The following PCDH9 variants were observed in gnomAD, a reference collection of about 807,000 sequenced individuals.
PCDH9 encodes protocadherin-9.
In PCDH9, 24 loss-of-function variants were observed where a neutral mutation model predicts 70.6. The ratio of observed to expected loss-of-function variants is 0.34; its 90% CI spans 0.25 to 0.48. PCDH9 has a LOEUF of 0.48. Ranked by LOEUF, PCDH9 falls within the 20% of genes least tolerant of loss-of-function variation. The pLI is 0.99. For missense variants in PCDH9, 1,281 were observed against 1,503.6 expected (o/e 0.85, Z 2.45); for synonymous variants, 562 against 558.5 (o/e 1.01, Z -0.09).
At chr13:66,971,685 T>C (rs1321703937) in intron 2 of PCDH9, among the ~76,000 whole-genome samples, 3 of 151,952 alleles carry the variant, frequency 2.0e-5, no homozygotes, top group Non-Finnish European at 4.4e-5. Flanking sequence ...ATAAATTCCA[T>C]CCTTCAGAGG....
chr13:66,819,216 A>G (rs1404246001), intron 3 of PCDH9, among the ~76,000 whole-genome samples: 3 of 152,044 alleles, frequency 2.0e-5, no homozygotes, highest in Non-Finnish European at 4.4e-5. Context: ...TGGTTTGTCA[A>G]ATTTAATCAG....
intron 2 of PCDH9, among the ~76,000 whole-genome samples, chr13:67,052,916 T>A (rs1254060561): frequency 6.6e-6 from 1 of 152,198 alleles, no homozygotes; most frequent in East Asian, 1.9e-4. Flanking sequence ...TTTGATGTGC[T>A]GCAGATATCC....
chr13:66,332,648 C>T (rs1295905239), intron 4 of PCDH9, among the ~76,000 whole-genome samples: 1 of 151,866 alleles, frequency 6.6e-6, no homozygotes. Context: ...TGAGGTCTAG[C>T]CTCTCAGAGG....
chr13:66,762,612 C>A (rs2079646690), intron 3 of PCDH9, among the ~76,000 whole-genome samples: 1 of 152,066 alleles, frequency 6.6e-6, no homozygotes, highest in South Asian at 2.1e-4. Flanking sequence ...AATCTCCCAG[C>A]TGGTTTCCTT....
intron 4 of PCDH9, among the ~76,000 whole-genome samples, chr13:66,542,399 A>C (rs1188160639): frequency 1.3e-5 from 2 of 151,968 alleles, no homozygotes; most frequent in African/African-American, 2.4e-5. Context: ...TAATTCGTTG[A>C]ATTTATGTAA....
intron 3 of PCDH9, among the ~76,000 whole-genome samples, chr13:66,781,754 A>G (rs9540911): frequency 0.5 from 76,654 of 151,976 alleles, 21,616 homozygotes; most frequent in Middle Eastern, 0.65. Flanking sequence ...GTGTCATCCA[A>G]TCTAAAATAT....
intron 2 of PCDH9, among the ~76,000 whole-genome samples, chr13:66,949,476 C>A (rs1425620342): frequency 6.6e-6 from 1 of 152,030 alleles, no homozygotes; most frequent in Non-Finnish European, 1.5e-5. Flanking sequence ...TCACTGTAAA[C>A]AGCAAAGCCA....
intron 2 of PCDH9, among the ~76,000 whole-genome samples, chr13:67,196,539 C>G (rs934341431): frequency 1.3e-5 from 2 of 152,018 alleles, no homozygotes; most frequent in African/African-American, 4.8e-5. Context: ...GAGAAAACTA[C>G]TTATAGTGTA....
At chr13:66,990,315 T>C (rs1276796057) in intron 2 of PCDH9, among the ~76,000 whole-genome samples, 2 of 151,770 alleles carry the variant, frequency 1.3e-5, no homozygotes, top group Non-Finnish European at 1.5e-5. Flanking sequence ...TGGTGAAAAC[T>C]TGAGTGACAG....
chr13:66,667,230 G>A (rs998287065), intron 3 of PCDH9, among the ~76,000 whole-genome samples: 6 of 152,164 alleles, frequency 3.9e-5, no homozygotes, highest in African/African-American at 1.4e-4. Flanking sequence ...AAGGCTGGAA[G>A]GAGAGAGGGA....
rs557137704 is a variant in PCDH9 at position 66,806,833 on chromosome 13, C to T, written c.3138+96671G>A. On this transcript the variant is annotated intron_variant, in intron 3 of 4. Coordinates refer to ENST00000377865, the MANE Select transcript of PCDH9 (RefSeq NM_203487.3). Reference sequence around the variant, plus strand: ...TCATTTAATTTTCAAACATTGGCAACTAGTATATGCATAATAAATAGTAGC... The same window carrying T: ...TCATTTAATTTTCAAACATTGGCAATTAGTATATGCATAATAAATAGTAGC... 1.6e-4 allele frequency among the ~76,000 whole-genome samples: 24 copies of T among 152,276 alleles called. 1 individual carries two copies. The highest frequency in any genetic ancestry group is 1.2e-3 in the South Asian group (6 of 4,824).
At chr13:66,894,813 ATT>A (rs11386383) in intron 3 of PCDH9, among the ~76,000 whole-genome samples, 5 of 146,562 alleles carry the variant, frequency 3.4e-5, no homozygotes, top group Admixed American at 6.9e-5. Context: ...AATATTAAGT[ATT>A]TTTTTTTTTT....
intron 4 of PCDH9, among the ~76,000 whole-genome samples, chr13:66,474,543 A>G (rs991063031): frequency 6.6e-6 from 1 of 152,186 alleles, no homozygotes; most frequent in Non-Finnish European, 1.5e-5. Context: ...GATATTAAGT[A>G]AACTAAAAAT....
chr13:66,387,543 TAAAAA>T (rs35239094), intron 4 of PCDH9, among the ~76,000 whole-genome samples: 4 of 115,480 alleles, frequency 3.5e-5, no homozygotes, highest in Admixed American at 1.8e-4. Flanking sequence ...GATCTGGTGG[TAAAAA>T]AAAAAAAAAA....
chr13:66,443,109 A>C (rs1444034960), intron 4 of PCDH9, among the ~76,000 whole-genome samples: 1 of 152,232 alleles, frequency 6.6e-6, no homozygotes, highest in Non-Finnish European at 1.5e-5. Context: ...AAACTAAAAC[A>C]GACAGAAAAT....
At chr13:67,190,755 A>G (rs2088888628) in intron 2 of PCDH9, among the ~76,000 whole-genome samples, 1 of 152,042 alleles carries the variant, frequency 6.6e-6, no homozygotes, top group Non-Finnish European at 1.5e-5. Flanking sequence ...ATTTTTGAAT[A>G]ATATATTTTT....
chr13:66,594,568 A>C (rs1240282236), intron 4 of PCDH9, among the ~76,000 whole-genome samples: 1 of 151,090 alleles, frequency 6.6e-6, no homozygotes, highest in Non-Finnish European at 1.5e-5. Context: ...TTAAAAAGGT[A>C]AACATGTGCC....
intron 2 of PCDH9, among the ~76,000 whole-genome samples, chr13:67,052,796 G>A (rs2085347448): frequency 6.6e-6 from 1 of 152,064 alleles, no homozygotes; most frequent in Non-Finnish European, 1.5e-5. Flanking sequence ...CGGAAGGTGG[G>A]GGATCAAAGG....
chr13:66,695,976 AT>A (rs1451320984), intron 3 of PCDH9, among the ~76,000 whole-genome samples: 1 of 152,144 alleles, frequency 6.6e-6, no homozygotes, highest in East Asian at 1.9e-4. Flanking sequence ...CAATCATTTC[AT>A]TTACCATGAC....
Sources: gnomAD v4.1 joint callset for allele counts (sites outside exome capture counted in the v4.1 genomes callset) on GRCh38, gnomAD v4.1.1 for gene constraint, MANE v1.5 for transcripts, NCBI Gene and HGNC (gene_info 2026-07-23, HGNC 2026-07-21) for gene names.